Variants in SUMF1 observed in about 807,000 individuals in gnomAD.
SUMF1 encodes sulfatase modifying factor 1, also known as formylglycine-generating enzyme.
SUMF1 carries 48 observed loss-of-function variants against 47.6 expected under a neutral mutation model. The observed-to-expected ratio is 1.01, with a 90% CI of 0.80 to 1.28. The LOEUF is 1.28. Among genes scored for constraint, SUMF1 ranks in the 50% most tolerant of loss-of-function variants. SUMF1 has a pLI of 0.00. For synonymous variants in SUMF1, 230 were observed against 192.1 expected (o/e 1.20, Z -1.63); for missense variants, 571 against 485.4 (o/e 1.18, Z -1.66).
At chr3:4,037,077 T>A (rs1166948526) in intron 9 of SUMF1, among the ~76,000 whole-genome samples, 3 of 152,054 alleles carry the variant, frequency 2.0e-5, no homozygotes, top group Non-Finnish European at 2.9e-5. Flanking sequence ...AATTCAAGTA[T>A]TCCCAAACTA....
intron 8 of SUMF1, among the ~76,000 whole-genome samples, chr3:4,160,376 A>T (rs1416928215): frequency 1.3e-5 from 2 of 152,072 alleles, no homozygotes; most frequent in African/African-American, 4.8e-5. Flanking sequence ...AGTAGCTGGG[A>T]CTACAAGTAT....
intron 8 of SUMF1, among the ~76,000 whole-genome samples, chr3:4,262,101 T>C (rs1332795702): frequency 3.9e-5 from 6 of 152,112 alleles, no homozygotes; most frequent in Non-Finnish European, 7.4e-5. Context: ...CCAAAATATG[T>C]CTATGCCCGG....
chr3:4,151,477 ATATATGTG>A (rs1227524964), intron 8 of SUMF1, among the ~76,000 whole-genome samples: 1 of 145,166 alleles, frequency 6.9e-6, no homozygotes, highest in Non-Finnish European at 1.5e-5. Context: ...GTATATATGT[ATATATGTG>A]TATATATACG....
chr3:4,253,953 C>T (rs1359924311), intron 8 of SUMF1, among the ~76,000 whole-genome samples: 1 of 150,026 alleles, frequency 6.7e-6, no homozygotes. Context: ...GGGTCCCTGA[C>T]CCCTGACCCC....
At chr3:4,366,217 G>C (rs1288594089) in intron 8 of SUMF1, among the ~76,000 whole-genome samples, 1 of 151,970 alleles carries the variant, frequency 6.6e-6, no homozygotes, top group African/African-American at 2.4e-5. Flanking sequence ...TTCTCGAGGA[G>C]TATCTTTGTG....
intron 8 of SUMF1, among the ~76,000 whole-genome samples, chr3:4,301,965 GA>G (rs1191182778): frequency 2.0e-5 from 3 of 152,156 alleles, no homozygotes; most frequent in Non-Finnish European, 4.4e-5. Flanking sequence ...GTCAAGGGCA[GA>G]ACCCTGAATC....
intron 3 of SUMF1, among the ~76,000 whole-genome samples, chr3:4,440,263 A>C (rs13319732): frequency 0.073 from 9,680 of 131,936 alleles, 815 homozygotes; most frequent in East Asian, 0.27. Flanking sequence ...AAAAAAAAAA[A>C]AGATACTGAG....
intron 8 of SUMF1, among the ~76,000 whole-genome samples, chr3:4,247,552 G>C (rs1360597548): frequency 6.6e-6 from 1 of 151,458 alleles, no homozygotes; most frequent in East Asian, 1.9e-4. Flanking sequence ...AAGGGAAAGA[G>C]GGGGTAAGAA....
At chr3:4,071,423 G>A (rs1461851601) in intron 8 of SUMF1, among the ~76,000 whole-genome samples, 8 of 152,148 alleles carry the variant, frequency 5.3e-5, no homozygotes, top group African/African-American at 1.9e-4. Flanking sequence ...TGTAACAGGA[G>A]GAACAGTACA....
At chr3:4,036,326 T>A (rs1694794503) in intron 9 of SUMF1, among the ~76,000 whole-genome samples, 1 of 152,186 alleles carries the variant, frequency 6.6e-6, no homozygotes, top group Admixed American at 6.5e-5. Context: ...TCCTATAAAC[T>A]GTTATCTTAT....
chr3:4,218,895 CTT>C (rs2125171949), intron 8 of SUMF1, among the ~76,000 whole-genome samples: 1 of 152,228 alleles, frequency 6.6e-6, no homozygotes, highest in South Asian at 2.1e-4. Context: ...GTGGGTTTTT[CTT>C]AAGCTTTTCT....
At chr3:4,035,386 C>T (rs317611) in intron 9 of SUMF1, among the ~76,000 whole-genome samples, 149,848 of 152,228 alleles carry the variant, frequency 0.98, 73,794 homozygotes, top group Middle Eastern at 1. Context: ...ATCACTTCTA[C>T]CTCTGCCTCT....
At chr3:4,197,062 G>A (rs2125148589) in intron 8 of SUMF1, among the ~76,000 whole-genome samples, 1 of 152,206 alleles carries the variant, frequency 6.6e-6, no homozygotes, top group East Asian at 1.9e-4. Flanking sequence ...ATCAGTGACT[G>A]TCATAATTTG....
chr3:4,130,547 G>C (rs1046958442), intron 8 of SUMF1, among the ~76,000 whole-genome samples: 6 of 152,132 alleles, frequency 3.9e-5, no homozygotes, highest in Admixed American at 3.3e-4. Flanking sequence ...CAAACACACT[G>C]AACTTATTGG....
At chr3:4,243,921 G>C (rs915707565) in intron 8 of SUMF1, among the ~76,000 whole-genome samples, 4 of 152,170 alleles carry the variant, frequency 2.6e-5, no homozygotes, top group African/African-American at 9.7e-5. Flanking sequence ...CTAAGACCTT[G>C]CTTTATGAAT....
intron 8 of SUMF1, among the ~76,000 whole-genome samples, chr3:4,201,932 C>A (rs1695548925): frequency 1.3e-5 from 2 of 151,744 alleles, no homozygotes; most frequent in Non-Finnish European, 2.9e-5. Context: ...GATCTTTTGC[C>A]CATTTTTTTA....
chr3:4,223,273 A>G (rs1294214222), intron 8 of SUMF1, among the ~76,000 whole-genome samples: 2 of 152,154 alleles, frequency 1.3e-5, no homozygotes, highest in African/African-American at 4.8e-5. Context: ...TCAGGATCAG[A>G]CAGGTTCAAG....
chr3:4,137,654 A>C (rs1451383195), intron 8 of SUMF1, among the ~76,000 whole-genome samples: 1 of 152,076 alleles, frequency 6.6e-6, no homozygotes, highest in Non-Finnish European at 1.5e-5. Context: ...AAATGGAAGA[A>C]AATTTCCTCA....
At chr3:4,240,765 C>T (rs889700513) in intron 8 of SUMF1, among the ~76,000 whole-genome samples, 2 of 151,582 alleles carry the variant, frequency 1.3e-5, no homozygotes, top group African/African-American at 2.4e-5. Context: ...AGAAATTATA[C>T]CAAATGTCAT....
Sources: gnomAD v4.1 joint callset for allele counts (sites outside exome capture counted in the v4.1 genomes callset) on GRCh38, gnomAD v4.1.1 for gene constraint, MANE v1.5 for transcripts, NCBI Gene and HGNC (gene_info 2026-07-23, HGNC 2026-07-21) for gene names.